CACNA1E: variants seen among roughly 807,000 people sequenced by gnomAD.
The protein encoded by CACNA1E is voltage-dependent R-type calcium channel subunit alpha-1E.
A neutral mutation model predicts 259.2 loss-of-function variants in CACNA1E; 40 were observed. The observed-to-expected ratio is 0.15, with a 90% CI of 0.12 to 0.20. The LOEUF is 0.20. CACNA1E is among the 10% of genes least tolerant of loss of function. The pLI is 1.00. For synonymous variants in CACNA1E, 1,104 were observed against 1,138.5 expected (o/e 0.97, Z 0.61); for missense variants, 1,874 against 3,040.1 (o/e 0.62, Z 9.02).
rs527262443 is a variant in CACNA1E at position 181,603,362 on chromosome 1, C to T, written c.951+22586C>T. Among the ~76,000 whole-genome samples the T allele has an allele frequency of 3.0e-4, 45 of 152,258 alleles. 1 individual carries two copies. The highest frequency in any genetic ancestry group is 6.2e-4 in the South Asian group (3 of 4,820). On this transcript the variant is annotated intron_variant, in intron 6 of 47. Coordinates refer to ENST00000367573, the MANE Select transcript of CACNA1E (RefSeq NM_001205293.3). ...GTCTTTGCTCTTGTTGATTATGTTA[C>T]AACCATCTCAAAAGAAGTGTTGTTC...
chr1:181,575,024 C>CAA (rs55919598), intron 3 of CACNA1E, among the ~76,000 whole-genome samples: 52,358 of 147,222 alleles, frequency 0.36, 9,337 homozygotes, highest in South Asian at 0.46. Context: ...GACTCTGTCT[C>CAA]AAAAAAAAAA....
At chr1:181,384,628 T>C (rs1655701185) in intron 1 of CACNA1E, among the ~76,000 whole-genome samples, 1 of 152,208 alleles carries the variant, frequency 6.6e-6, no homozygotes, top group Non-Finnish European at 1.5e-5. Flanking sequence ...TTTTCTAAAA[T>C]GCTCCTTTCA....
At chr1:181,691,901 TCTACA>T (rs1375451547) in intron 7 of CACNA1E, among the ~76,000 whole-genome samples, 1 of 152,064 alleles carries the variant, frequency 6.6e-6, no homozygotes, top group Non-Finnish European at 1.5e-5. Flanking sequence ...CAATAACAAT[TCTACA>T]TCTAGAAAAC....
chr1:181,344,892 C>G (rs1652468040), intron 1 of CACNA1E, among the ~76,000 whole-genome samples: 2 of 152,238 alleles, frequency 1.3e-5, no homozygotes, highest in African/African-American at 4.8e-5. Context: ...GGGAGCTAAC[C>G]AGCTCTGAGG....
intron 1 of CACNA1E, among the ~76,000 whole-genome samples, chr1:181,322,239 G>C (rs2804710): frequency 0.82 from 124,758 of 152,040 alleles, 51,373 homozygotes; most frequent in African/African-American, 0.87. Context: ...AAATACAATA[G>C]TATACTAACA....
At position 181,807,028 on chromosome 1, in the gene CACNA1E, C is replaced by G. The variant is rs529751772; in HGVS notation, c.*8194C>G. On this transcript the variant is annotated 3_prime_UTR_variant, in exon 48 of 48. Transcript: ENST00000367573. ...GCACTTTGTGCTGTGTGTGGTAGCT[C>G]GTATGTGTTACCCCAGCTATTCAGG... 1 of 151,192 alleles carries G rather than the reference C, an allele frequency of 6.6e-6. No homozygotes were observed. The highest frequency in any genetic ancestry group is 1.5e-5 in the Non-Finnish European group (1 of 67,922). The allele number at this position is 151,192 out of a possible 1,614,324, so 9.4% of individuals were successfully genotyped here. A position where few individuals can be genotyped will look rare whatever the true frequency, so the allele number is the denominator to read the frequency against.
In CACNA1E at chr1:181,805,269, G is replaced by A. The variant is rs983401090; in HGVS notation, c.*6435G>A. On this transcript the variant is annotated 3_prime_UTR_variant, in exon 48 of 48. Transcript: ENST00000367573. ...ACCAAATCCGAATTTGACTTTATTT[G>A]ATGACTCAATATTTTCCTTCCAGTA... 4.6e-5 allele frequency: 7 copies of A among 152,146 alleles called. No homozygotes were observed. The highest frequency in any genetic ancestry group is 8.8e-5 in the Non-Finnish European group (6 of 68,022). The allele number at this position is 152,146 out of a possible 1,614,324, so 9.4% of individuals were successfully genotyped here. A position where few individuals can be genotyped will look rare whatever the true frequency, so the allele number is the denominator to read the frequency against.
At chr1:181,753,293 A>G (rs1657763589) in intron 27 of CACNA1E, among the ~76,000 whole-genome samples, 1 of 152,186 alleles carries the variant, frequency 6.6e-6, no homozygotes, top group Admixed American at 6.5e-5. Flanking sequence ...ATTGCTGACA[A>G]CCGCAACACA....
intron 6 of CACNA1E, among the ~76,000 whole-genome samples, chr1:181,596,622 G>GCT (rs1653201753): frequency 6.8e-6 from 1 of 147,984 alleles, no homozygotes; most frequent in Non-Finnish European, 1.5e-5. Context: ...AAGCTCAGAT[G>GCT]CCCTGCAGGC....
intron 1 of CACNA1E, among the ~76,000 whole-genome samples, chr1:181,350,619 C>A (rs1383136147): frequency 6.6e-6 from 1 of 152,126 alleles, no homozygotes; most frequent in African/African-American, 2.4e-5. Context: ...CTTGCACTAA[C>A]CTTGACCCCT....
chr1:181,712,903 G>C (rs1653523466), intron 8 of CACNA1E, among the ~76,000 whole-genome samples: 1 of 152,060 alleles, frequency 6.6e-6, no homozygotes, highest in South Asian at 2.1e-4. Context: ...TGCTCGCTGG[G>C]GCTCTGCTTT....
At chr1:181,602,254 C>T (rs1404754997) in intron 6 of CACNA1E, among the ~76,000 whole-genome samples, 1 of 152,202 alleles carries the variant, frequency 6.6e-6, no homozygotes, top group African/African-American at 2.4e-5. Context: ...TCACACACTG[C>T]TGCAAACAGT....
intron 38 of CACNA1E, among the ~76,000 whole-genome samples, chr1:181,778,030 A>C (rs1660113906): frequency 6.6e-6 from 1 of 152,266 alleles, no homozygotes; most frequent in Non-Finnish European, 1.5e-5. Flanking sequence ...TGCTGGGAAG[A>C]AATGATTCCA....
chr1:181,662,562 A>G (rs1164259719), intron 7 of CACNA1E, among the ~76,000 whole-genome samples: 1 of 152,202 alleles, frequency 6.6e-6, no homozygotes, highest in Non-Finnish European at 1.5e-5. Context: ...GAATAAGGAT[A>G]TTGGTGTTTG....
At chr1:181,399,542 T>C (rs536496849) in intron 1 of CACNA1E, among the ~76,000 whole-genome samples, 2 of 152,252 alleles carry the variant, frequency 1.3e-5, no homozygotes, top group East Asian at 3.9e-4. Flanking sequence ...GCTTGGGTGG[T>C]GGGGGAAAGA....
intron 1 of CACNA1E, among the ~76,000 whole-genome samples, chr1:181,373,705 C>T (rs542146481): frequency 7.2e-5 from 11 of 151,946 alleles, no homozygotes; most frequent in South Asian, 2.1e-4. Flanking sequence ...GCCCGGCTAA[C>T]TTTTTGTATT....
chr1:181,491,419 T>C (rs561771462), intron 1 of CACNA1E, among the ~76,000 whole-genome samples: 3 of 152,226 alleles, frequency 2.0e-5, no homozygotes, highest in Non-Finnish European at 4.4e-5. Flanking sequence ...AGAATTTTTG[T>C]TGGTCACAAT....
chr1:181,720,170 A>C, intron 13 of CACNA1E, 36 bp from the exon 14 acceptor site: 2 of 1,612,842 alleles, frequency 1.2e-6, no homozygotes, highest in East Asian at 2.2e-5. Flanking sequence ...CTTGGTATGC[A>C]GTGTTCACAG....
chr1:181,551,103 G>C (rs186948144), intron 3 of CACNA1E, among the ~76,000 whole-genome samples: 36 of 152,254 alleles, frequency 2.4e-4, no homozygotes, highest in Admixed American at 4.6e-4. Flanking sequence ...TTCCCCAGTG[G>C]CTCGTTCTCC....
Sources: gnomAD v4.1 joint callset for allele counts (sites outside exome capture counted in the v4.1 genomes callset) on GRCh38, gnomAD v4.1.1 for gene constraint, MANE v1.5 for transcripts, NCBI Gene and HGNC (gene_info 2026-07-23, HGNC 2026-07-21) for gene names.